The following LAMTOR3 variants were observed in gnomAD, a reference collection of about 807,000 sequenced individuals.
LAMTOR3 encodes ragulator complex protein LAMTOR3.
LAMTOR3 carries 14 observed loss-of-function variants against 20.3 expected under a neutral mutation model. The observed-to-expected ratio is 0.69, with a 90% confidence interval of 0.46 to 1.08. The LOEUF (loss-of-function observed/expected upper bound fraction) is 1.08, where lower values mean the gene tolerates loss of function less well. LAMTOR3 is among the 50% of genes least tolerant of loss of function. LAMTOR3 has a pLI of 0.00. For missense variants in LAMTOR3, 125 were observed against 143.7 expected, an observed-to-expected ratio of 0.87 and a Z score of 0.67; for synonymous variants, 40 against 49.4, an observed-to-expected ratio of 0.81 and a Z score of 0.80.
intron 3 of LAMTOR3, among the ~76,000 whole-genome samples, chr4:99,888,770 C>A (rs1440785140): frequency 6.6e-6 from 1 of 152,078 alleles, no homozygotes; most frequent in Admixed American, 6.5e-5. Flanking sequence ...CAAACAAAAT[C>A]ATTTGTCTTC....
chr4:99,891,470 C>G (rs1415672251), intron 3 of LAMTOR3, among the ~76,000 whole-genome samples: 2 of 152,194 alleles, frequency 1.3e-5, no homozygotes, highest in Non-Finnish European at 2.9e-5. Context: ...AACAGATGCA[C>G]ACTGTCATCA....
At chr4:99,885,817 G>T in intron 4 of LAMTOR3, 142 bp from the exon 5 acceptor site, 1 of 658,284 alleles carries the variant, frequency 1.5e-6, no homozygotes, top group Admixed American at 3.6e-5. Flanking sequence ...CACTAATGGG[G>T]TCTCATCACT....
chr4:99,892,121 T>G, intron 2 of LAMTOR3, 87 bp from the exon 3 acceptor site: 1 of 1,466,550 alleles, frequency 6.8e-7, no homozygotes, highest in Non-Finnish European at 9.0e-7. Flanking sequence ...TTAAGGAACT[T>G]CAGTTATCAT....
rs570746248 is a variant in LAMTOR3 at position 99,893,979 on chromosome 4, C to G, written c.-16G>C. On this transcript the variant is annotated 5_prime_UTR_variant, in exon 2 of 7. Coordinates refer to ENST00000499666, the MANE Select transcript of LAMTOR3 (RefSeq NM_021970.4). The stretch of plus-strand genomic sequence containing the variant: ...CATCCGCCATGATGAACCCCCTTCT[C>G]TCGCAGGATCAATCTCCACGCCTGG... The G allele has an allele frequency of 1.9e-6, 3 of 1,549,370 alleles. No homozygotes were observed. Among genetic ancestry groups the G allele is most frequent in the Non-Finnish European group, 2.6e-6 (3 of 1,143,952 alleles).
At chr4:99,892,798 C>T (rs1725046266) in intron 2 of LAMTOR3, among the ~76,000 whole-genome samples, 2 of 151,672 alleles carry the variant, frequency 1.3e-5, no homozygotes. Context: ...CCTGCCTCAA[C>T]CTCCCGAGTA....
chr4:99,880,597 T>TAA lies in LAMTOR3; in HGVS notation c.*1395_*1396dup. The TAA allele has an allele frequency of 1.4e-5, 2 of 144,878 alleles. No individual in the cohort carries two copies. Among genetic ancestry groups the TAA allele is most frequent in the East Asian group, 2.0e-4 (1 of 5,008 alleles). The allele number at this position is 144,878 out of a possible 1,614,324, so 9.0% of individuals were successfully genotyped here. Reference sequence around the variant, plus strand: ...GGCAACACAGCAAGACTCTGTCTCTTAAAAAAAAAAAGAAAGAAAGAAAAA... The same window carrying TAA: ...GGCAACACAGCAAGACTCTGTCTCTTAAAAAAAAAAAAAGAAAGAAAGAAAAA... On this transcript the variant is annotated 3_prime_UTR_variant, in exon 7 of 7. Coordinates refer to ENST00000499666, the MANE Select transcript of LAMTOR3 (RefSeq NM_021970.4).
chr4:99,888,677 T>A (rs1724971033), intron 3 of LAMTOR3, among the ~76,000 whole-genome samples: 1 of 152,214 alleles, frequency 6.6e-6, no homozygotes, highest in Non-Finnish European at 1.5e-5. Context: ...AATGTTTAAA[T>A]ACTGACATTA....
intron 6 of LAMTOR3, among the ~76,000 whole-genome samples, chr4:99,882,688 C>T (rs565772417): frequency 1.3e-4 from 20 of 151,936 alleles, no homozygotes; most frequent in Admixed American, 3.9e-4. Context: ...CAAATTTTAA[C>T]AGATTATATC....
At chr4:99,885,203 T>TA (rs1444006604) in intron 5 of LAMTOR3, among the ~76,000 whole-genome samples, 6 of 152,312 alleles carry the variant, frequency 3.9e-5, no homozygotes, top group Non-Finnish European at 8.8e-5. Context: ...AAGTTTTTTT[T>TA]ATCTGTTACT....
At chr4:99,890,086 C>T (rs1034282032) in intron 3 of LAMTOR3, among the ~76,000 whole-genome samples, 1 of 152,212 alleles carries the variant, frequency 6.6e-6, no homozygotes, top group African/African-American at 2.4e-5. Context: ...TTAAGAGATA[C>T]TACACTTTTA....
intron 2 of LAMTOR3, among the ~76,000 whole-genome samples, chr4:99,893,727 C>T (rs1725068090): frequency 6.6e-6 from 1 of 152,144 alleles, no homozygotes; most frequent in African/African-American, 2.4e-5. Flanking sequence ...TTCTCAGTCT[C>T]AAGCACCTTA....
Position 99,884,008 on chromosome 4 carries a change from A to C in LAMTOR3, c.301+54T>G, listed in dbSNP as rs1282432045. 4.0e-6 allele frequency: 5 copies of C among 1,261,108 alleles called. No homozygotes were observed. The African/African-American group carries it at 6.1e-5, about 15-fold the overall frequency. 78.1% of individuals were successfully genotyped at this position (1,261,108 alleles called of 1,614,324 possible). ...CTCTTAAATTAAGGTATGGTAATTA[A>C]ATTAATTTTTTAAAATTAAGGATTA... On this transcript the variant is annotated intron_variant, in intron 6 of 6. Transcript: ENST00000499666.
intron 3 of LAMTOR3, among the ~76,000 whole-genome samples, chr4:99,890,760 AAAGAT>A (rs760822087): frequency 7.2e-4 from 110 of 152,372 alleles, no homozygotes; most frequent in Non-Finnish European, 9.0e-4. Context: ...CCTTTTGTTA[AAAGAT>A]AAGAGACATC....
intron 5 of LAMTOR3, 101 bp downstream of exon 5, chr4:99,885,441 A>T (rs1724904142): frequency 2.8e-6 from 3 of 1,074,936 alleles, no homozygotes; most frequent in Non-Finnish European, 3.8e-6. Flanking sequence ...CATCCTCTTC[A>T]AAACTAAAAT....
rs911425973 is a variant in LAMTOR3, at chr4:99,881,072, C to T, written c.*922G>A. ...TTTTCCAGTTAACAGTTCATACTAC[C>T]GTAAAACAATCTCCAAACCAATACC... On this transcript the variant is annotated 3_prime_UTR_variant, in exon 7 of 7. Transcript: ENST00000499666. 2.6e-5 allele frequency: 4 copies of T among 152,082 alleles called. No homozygotes were observed. The highest frequency in any genetic ancestry group is 6.5e-5 in the Admixed American group (1 of 15,288). The allele number at this position is 152,082 out of a possible 1,614,324, so 9.4% of individuals were successfully genotyped here.
chr4:99,886,925 T>TGTATATATGTGTGTGTGTATAC (rs1578203107), intron 4 of LAMTOR3, among the ~76,000 whole-genome samples: 5 of 152,216 alleles, frequency 3.3e-5, no homozygotes, highest in East Asian at 3.9e-4. Context: ...GGTATGTATA[T>TGTATATATGTGTGTGTGTATAC]ATATACACAC....
rs183342947 is a variant in LAMTOR3 at position 99,893,241 on chromosome 4, C to T, written c.9+714G>A. ...GTTGCCCAGGCTGATCTTGAACTCC[C>T]GGCCTCAAGTGATCCTTCCATCTCG... On this transcript the variant is annotated intron_variant, in intron 2 of 6. Coordinates refer to ENST00000499666, the MANE Select transcript of LAMTOR3 (RefSeq NM_021970.4). Among the ~76,000 whole-genome samples the T allele has an allele frequency of 1.1e-3, 170 of 151,408 alleles. 2 individuals carry two copies. The highest frequency in any genetic ancestry group is 8.1e-3 in the Admixed American group (124 of 15,224).
At chr4:99,886,929 TAC>T (rs1191735944) in intron 4 of LAMTOR3, among the ~76,000 whole-genome samples, 2 of 151,874 alleles carry the variant, frequency 1.3e-5, no homozygotes, top group African/African-American at 4.8e-5. Flanking sequence ...TGTATATATA[TAC>T]ACACACACAT....
At chr4:99,894,060 A>G in intron 1 of LAMTOR3, 60 bp from the exon 2 acceptor site, 1 of 1,099,108 alleles carries the variant, frequency 9.1e-7, no homozygotes, top group African/African-American at 1.6e-5. Context: ...CCCCACCCAC[A>G]ACTTAATACG....
Sources: allele counts gnomAD v4.1 joint callset (sites outside exome capture counted in the v4.1 genomes callset), GRCh38; gene constraint gnomAD v4.1.1; transcripts MANE v1.5; gene names NCBI Gene and HGNC (gene_info 2026-07-23, HGNC 2026-07-21).